Variants in NDE1 observed in about 807,000 individuals in gnomAD.
The protein encoded by NDE1 is nuclear distribution protein nudE homolog 1.
Under a neutral mutation model 43.4 loss-of-function variants are expected in NDE1, and 28 were observed. That is an observed-to-expected ratio of 0.65 (90% CI 0.48 to 0.89). The LOEUF (loss-of-function observed/expected upper bound fraction) is 0.89, where lower values mean the gene tolerates loss of function less well. Among genes scored for constraint, NDE1 ranks in the 40% least tolerant of loss-of-function variants. The probability of loss-of-function intolerance (pLI) is 0.00; values close to 1 mark genes in which losing one functional copy is unlikely to be tolerated. For synonymous variants in NDE1, 184 were observed against 172.0 expected, an observed-to-expected ratio of 1.07 and a Z score of -0.55; for missense variants, 441 against 434.1, an observed-to-expected ratio of 1.02 and a Z score of -0.14.
In NDE1 at chr16:15,701,552, G is replaced by A. The variant is rs895924015; in HGVS notation, c.947+4692G>A. 3 of 152,196 alleles carry A rather than the reference G, an allele frequency of 2.0e-5. No individual in the cohort carries two copies. In the East Asian group the frequency reaches 5.8e-4, roughly 29 times the overall value. 9.4% of individuals were successfully genotyped at this position (152,196 alleles called of 1,614,324 possible). ...AGGGTGACCATCAAGTAAAATTAAA[G>A]CACAAGATCATTGTAGGAGGCTTCC... On this transcript the variant is annotated intron_variant, in intron 8 of 8. Coordinates refer to ENST00000396354, the MANE Select transcript of NDE1 (RefSeq NM_017668.3).
Position 15,673,393 on chromosome 16 carries a change from G to A in NDE1, c.238-4408G>A, listed in dbSNP as rs142673285. Among the ~76,000 whole-genome samples the A allele has an allele frequency of 2.6e-3, 389 of 151,902 alleles. 5 individuals are homozygous for A. The highest frequency in any genetic ancestry group is 8.7e-3 in the African/African-American group (359 of 41,432). Reference sequence around the variant, plus strand: ...TATTTTTTGTATTTTTGGTAGAGACGGGGGTTTCACCGTGTTGGCCAGGCT... The same window carrying A: ...TATTTTTTGTATTTTTGGTAGAGACAGGGGTTTCACCGTGTTGGCCAGGCT... On this transcript the variant is annotated intron_variant, in intron 3 of 8. Coordinates refer to ENST00000396354, the MANE Select transcript of NDE1 (RefSeq NM_017668.3).
At chr16:15,714,882 G>T (rs757916188) in intron 8 of NDE1, 1 of 1,612,136 alleles carries the variant, frequency 6.2e-7, no homozygotes, top group Admixed American at 1.7e-5. Flanking sequence ...TGAGAGACGG[G>T]GTCCTCCCGG....
chr16:15,674,444 T>TCAC (rs2037762846), intron 3 of NDE1, among the ~76,000 whole-genome samples: 1 of 152,058 alleles, frequency 6.6e-6, no homozygotes, highest in Admixed American at 6.6e-5. Context: ...AGACGGGGTT[T>TCAC]CACCATGTTG....
At chr16:15,687,029 G>A (rs908333393) in intron 4 of NDE1, 51 of 1,177,956 alleles carry the variant, frequency 4.3e-5, no homozygotes, top group Non-Finnish European at 5.3e-5. Flanking sequence ...GGTTGGCATT[G>A]TGAGCTTGCA....
intron 3 of NDE1, among the ~76,000 whole-genome samples, chr16:15,674,879 A>G (rs982243868): frequency 4.0e-5 from 6 of 151,616 alleles, no homozygotes; most frequent in Non-Finnish European, 7.4e-5. Flanking sequence ...GCTAATTTTT[A>G]TTTTTTGTAG....
At chr16:15,650,641 C>A (rs1197136932) in intron 1 of NDE1, among the ~76,000 whole-genome samples, 1 of 152,224 alleles carries the variant, frequency 6.6e-6, no homozygotes, top group Non-Finnish European at 1.5e-5. Context: ...TCCGGGACTT[C>A]CTGGGTGGTT....
chr16:15,690,657 A>G (rs1375371746), intron 5 of NDE1, among the ~76,000 whole-genome samples: 2 of 152,084 alleles, frequency 1.3e-5, no homozygotes. Flanking sequence ...CATCCTGTAG[A>G]GTTCCAAGTC....
At chr16:15,718,983 C>G (rs1341146700) in intron 8 of NDE1, 1 of 534,522 alleles carries the variant, frequency 1.9e-6, no homozygotes, top group Non-Finnish European at 3.4e-6. Flanking sequence ...TAAAAATTAG[C>G]CAGGCATGGT....
At chr16:15,673,318 C>G (rs2037697345) in intron 3 of NDE1, among the ~76,000 whole-genome samples, 1 of 151,836 alleles carries the variant, frequency 6.6e-6, no homozygotes, top group Non-Finnish European at 1.5e-5. Context: ...CAAGCGATTC[C>G]CCTGCCTCCC....
upstream of NDE1, among the ~76,000 whole-genome samples, chr16:15,648,034 C>CAAA (rs34798321): frequency 1.6e-5 from 2 of 121,492 alleles, no homozygotes; most frequent in Non-Finnish European, 3.5e-5. Context: ...CTCTGTCTCA[C>CAAA]AAAAAAAAAA....
intron 8 of NDE1, among the ~76,000 whole-genome samples, chr16:15,697,439 T>C (rs992876790): frequency 7.9e-5 from 12 of 152,258 alleles, no homozygotes; most frequent in Admixed American, 4.6e-4. Context: ...CCAGGTGTGG[T>C]GACGCTCGCC....
chr16:15,667,209 G>A (rs1439897589), intron 2 of NDE1, 77 bp from the exon 3 acceptor site: 5 of 1,522,134 alleles, frequency 3.3e-6, no homozygotes, highest in Non-Finnish European at 4.6e-6. Flanking sequence ...TTGCAGCACT[G>A]CATTGCAGCC....
chr16:15,660,994 T>A (rs1029541040), intron 1 of NDE1, among the ~76,000 whole-genome samples: 1 of 152,170 alleles, frequency 6.6e-6, no homozygotes, highest in Non-Finnish European at 1.5e-5. Flanking sequence ...AAACCAGCTA[T>A]AGACGCATGA....
chr16:15,715,364 C>T, intron 8 of NDE1: 2 of 1,171,182 alleles, frequency 1.7e-6, no homozygotes, highest in Middle Eastern at 2.4e-4. Context: ...TGAGTGCTTT[C>T]CTGAGCCCCG....
intron 6 of NDE1, 82 bp from the exon 7 acceptor site, chr16:15,694,083 C>G (rs1271290185): frequency 6.7e-7 from 1 of 1,503,508 alleles, no homozygotes; most frequent in Non-Finnish European, 9.1e-7. Flanking sequence ...CCTCCTGTCC[C>G]GTGGTTTTGG....
rs1391587565 is a variant in NDE1 at position 15,724,812 on chromosome 16, T to C, written c.*561T>C. 1.9e-6 allele frequency: 3 copies of C among 1,613,606 alleles called. No homozygotes were observed. Among genetic ancestry groups the C allele is most frequent in the African/African-American group, 2.7e-5 (2 of 74,912 alleles). On this transcript the variant is annotated 3_prime_UTR_variant, in exon 9 of 9. Transcript: ENST00000396354. The stretch of plus-strand genomic sequence containing the variant: ...CTTGAAGCAGCTCCTGCAAAAGGGA[T>C]GCAAAGAGGTCCCAGGGACCTGCCC...
upstream of NDE1, among the ~76,000 whole-genome samples, chr16:15,648,310 T>A (rs1271279008): frequency 1.3e-5 from 2 of 152,212 alleles, no homozygotes; most frequent in Non-Finnish European, 2.9e-5. Context: ...TAGATCTTAT[T>A]CATTCTAACT....
rs747864632 is a variant in NDE1 at position 15,718,385 on chromosome 16, T to C, written c.948-5806T>C. ...GCCCTGCTCCTCCTCCAGCTCCTCC[T>C]CCAGCTGGGCGATCCGGGCCTCCAG... On this transcript the variant is annotated intron_variant, in intron 8 of 8. Coordinates refer to ENST00000396354, the MANE Select transcript of NDE1 (RefSeq NM_017668.3). 12 of 1,600,506 alleles carry C rather than the reference T, an allele frequency of 7.5e-6. No homozygotes were observed. In the Admixed American group the frequency reaches 1.3e-4, roughly 18 times the overall value.
At chr16:15,718,440 T>TG in intron 8 of NDE1, 1 of 1,559,774 alleles carries the variant, frequency 6.4e-7, no homozygotes, top group Non-Finnish European at 8.7e-7. Context: ...AGTGCGTTCC[T>TG]GGGGGAAGGG....
Sources: gnomAD v4.1 joint callset for allele counts (sites outside exome capture counted in the v4.1 genomes callset) on GRCh38, gnomAD v4.1.1 for gene constraint, MANE v1.5 for transcripts, NCBI Gene and HGNC (gene_info 2026-07-23, HGNC 2026-07-21) for gene names.